The following ZNF724 variants were observed in gnomAD, a reference collection of about 807,000 sequenced individuals.
ZNF724 encodes zinc finger protein 724 pseudogene.
ZNF724 carries 14 observed loss-of-function variants against 29.3 expected under a neutral mutation model. The ratio of observed to expected loss-of-function variants is 0.48; its 90% CI spans 0.32 to 0.75. The LOEUF (loss-of-function observed/expected upper bound fraction) is 0.75. ZNF724 is among the 30% of genes least tolerant of loss of function. The probability of loss-of-function intolerance (pLI) is 0.04; values close to 1 mark genes in which losing one functional copy is unlikely to be tolerated. For synonymous variants in ZNF724, 180 were observed against 193.6 expected (o/e 0.93, Z 0.58); for missense variants, 557 against 571.2 (o/e 0.98, Z 0.25).
intron 3 of ZNF724, 178 bp downstream of exon 3, chr19:23,231,088 G>C: frequency 2.5e-6 from 1 of 402,316 alleles, no homozygotes; most frequent in South Asian, 4.8e-5. Flanking sequence ...TCTCCATGTT[G>C]GTCAGGCTGG....
chr19:23,223,504 A>T lies in ZNF724; in HGVS notation c.741T>A (p.Ile247=). 1 of 751,236 alleles carries T rather than the reference A, an allele frequency of 1.3e-6. No homozygotes were observed. The highest frequency in any genetic ancestry group is 2.5e-6 in the Non-Finnish European group (1 of 404,046). 46.5% of individuals were successfully genotyped at this position (751,236 alleles called of 1,614,324 possible). A position where few individuals can be genotyped will look rare whatever the true frequency, so the allele number is the denominator to read the frequency against. ...KSSHLNTHKI[I]HTGEKSYKRE... ...GTTTGTAGGATTTCTCTCCAGTATG[A>T]ATTATCTTATGTGTGTTAAGGTGTG... Residue 247 remains isoleucine, a synonymous_variant, in exon 4 of 4, where the codon ATT becomes ATA. Transcript: ENST00000418100.
At chr19:23,239,797 C>A (rs770364438) in intron 1 of ZNF724, among the ~76,000 whole-genome samples, 4 of 151,886 alleles carry the variant, frequency 2.6e-5, no homozygotes, top group Admixed American at 2.6e-4. Flanking sequence ...GGCAACGCAG[C>A]GAGACTGTTT....
At chr19:23,232,969 G>GA (rs1971963363) in intron 1 of ZNF724, among the ~76,000 whole-genome samples, 1 of 151,890 alleles carries the variant, frequency 6.6e-6, no homozygotes, top group Non-Finnish European at 1.5e-5. Flanking sequence ...ACTTAATAAT[G>GA]AAGAAAAAAT....
At position 23,246,423 on chromosome 19, in the gene ZNF724, G is replaced by A. The variant is rs147742044; in HGVS notation, c.3+3817C>T. 2.5e-4 allele frequency among the ~76,000 whole-genome samples: 38 copies of A among 152,222 alleles called. No homozygotes were observed. The East Asian group carries it at 6.4e-3, about 26-fold the overall frequency. ...TGTAATCTCAGCACTTTGGGAGGCC[G>A]AGGCGGGCAGATCACGAGGTCAGGA... On this transcript the variant is annotated intron_variant, in intron 1 of 3. Transcript: ENST00000418100.
chr19:23,249,664 G>A (rs1396813706), intron 1 of ZNF724, among the ~76,000 whole-genome samples: 1 of 152,100 alleles, frequency 6.6e-6, no homozygotes. Flanking sequence ...CTCCCAAAGT[G>A]CTAGCATTAT....
chr19:23,228,550 T>C (rs769894730), intron 3 of ZNF724, among the ~76,000 whole-genome samples: 8 of 151,580 alleles, frequency 5.3e-5, no homozygotes, highest in Non-Finnish European at 8.8e-5. Flanking sequence ...GGTCAAGGAA[T>C]TCGAGACCAG....
chr19:23,225,807 T>C (rs182594327), intron 3 of ZNF724, among the ~76,000 whole-genome samples: 2 of 152,170 alleles, frequency 1.3e-5, no homozygotes, highest in African/African-American at 2.4e-5. Flanking sequence ...AAATGGGCAG[T>C]TGTTACTTAA....
At chr19:23,240,184 T>A (rs1038478867) in intron 1 of ZNF724, among the ~76,000 whole-genome samples, 2 of 149,950 alleles carry the variant, frequency 1.3e-5, no homozygotes, top group African/African-American at 2.5e-5. Context: ...GGCGAGGTGG[T>A]GCATGCCTGT....
At chr19:23,246,368 T>C (rs552812032) in intron 1 of ZNF724, among the ~76,000 whole-genome samples, 1 of 152,238 alleles carries the variant, frequency 6.6e-6, no homozygotes, top group South Asian at 2.1e-4. Context: ...TTATAAAATT[T>C]AGCATCGGCC....
At chr19:23,235,871 T>G (rs967810430) in intron 1 of ZNF724, among the ~76,000 whole-genome samples, 1 of 152,196 alleles carries the variant, frequency 6.6e-6, no homozygotes, top group Non-Finnish European at 1.5e-5. Flanking sequence ...GTAAACTGTT[T>G]CATTACACAA....
Position 23,223,076 on chromosome 19 carries a change from C to G in ZNF724, c.1169G>C (p.Gly390Ala). 1 of 1,278,216 alleles carries G rather than the reference C, an allele frequency of 7.8e-7. No homozygotes were observed. 79.2% of individuals were successfully genotyped at this position (1,278,216 alleles called of 1,614,324 possible). A position where few individuals can be genotyped will look rare whatever the true frequency, so the allele number is the denominator to read the frequency against. The stretch of plus-strand genomic sequence containing the variant: ...TTCTTCACATTTGTATGGTTTTTCT[C>G]CAGTATGAATTCTCTTATGTTGAGT... ...TLTQHKRIHT[G>A]EKPYKCEECG... is the part of the protein sequence containing the mutation. The change falls in exon 4 of 4, where the codon GGA becomes GCA. Residue 390 changes from glycine (G) to alanine (A), a missense_variant. Gly to Ala is a moderately conservative substitution (Grantham distance 60). Transcript: ENST00000418100.
rs55873367 is a variant in ZNF724, at chr19:23,232,130, G to A, written c.130+37C>T. 3.0e-3 allele frequency: 3,760 copies of A among 1,253,222 alleles called. 115 individuals carry two copies. The African/African-American group carries it at 0.049, about 16-fold the overall frequency. 77.6% of individuals were successfully genotyped at this position (1,253,222 alleles called of 1,614,324 possible). On this transcript the variant is annotated intron_variant, in intron 2 of 3. Transcript: ENST00000418100. ...TACAAAAAAACAAACGAAATATTTA[G>A]GGTAGATTAGGAATTGTGTATTGAA...
At chr19:23,234,704 G>A (rs1396959506) in intron 1 of ZNF724, among the ~76,000 whole-genome samples, 1 of 152,014 alleles carries the variant, frequency 6.6e-6, no homozygotes, top group Non-Finnish European at 1.5e-5. Flanking sequence ...CACCCACCTC[G>A]GTCTCCCAAA....
chr19:23,224,676 C>A (rs1360635517), intron 3 of ZNF724, among the ~76,000 whole-genome samples: 1 of 151,454 alleles, frequency 6.6e-6, no homozygotes, highest in Admixed American at 6.6e-5. Context: ...GAACACCCAG[C>A]CAGGCAGGGT....
At position 23,223,620 on chromosome 19, in the gene ZNF724, CA is replaced by C; in HGVS notation, c.624del (p.Asn208LysfsTer26). ...YKLEECGKAF[N>X]VSSTLSQHKR... ...TTATGTTGAGAAAGGGTTGAGGACA[CA>C]TTAAAGGCCTTGCCACATTCTTCAA... On this transcript the variant is annotated frameshift_variant, in exon 4 of 4. Coordinates refer to ENST00000418100, the MANE Select transcript of ZNF724 (RefSeq NM_001355404.2). LOFTEE classifies it low-confidence loss of function (END_TRUNC). The C allele has an allele frequency of 2.8e-6, 2 of 714,690 alleles. No individual in the cohort carries two copies. Among genetic ancestry groups the C allele is most frequent in the Non-Finnish European group, 5.2e-6 (2 of 385,948 alleles). The allele number at this position is 714,690 out of a possible 1,614,324, so 44.3% of individuals were successfully genotyped here.
At chr19:23,245,827 C>T (rs1280658028) in intron 1 of ZNF724, among the ~76,000 whole-genome samples, 1 of 152,074 alleles carries the variant, frequency 6.6e-6, no homozygotes, top group Non-Finnish European at 1.5e-5. Context: ...ATAAATCTAA[C>T]TTTATATTTA....
At chr19:23,245,180 C>T (rs908415302) in intron 1 of ZNF724, among the ~76,000 whole-genome samples, 1 of 152,158 alleles carries the variant, frequency 6.6e-6, no homozygotes, top group African/African-American at 2.4e-5. Flanking sequence ...CTTAGAAAAC[C>T]CAGCTGAATT....
Position 23,250,306 on chromosome 19 carries a change from A to G in ZNF724, c.-64T>C. 1 of 572,234 alleles carries G rather than the reference A, an allele frequency of 1.7e-6. No homozygotes were observed. The highest frequency in any genetic ancestry group is 1.4e-5 in the South Asian group (1 of 72,820). 35.4% of individuals were successfully genotyped at this position (572,234 alleles called of 1,614,324 possible). On this transcript the variant is annotated 5_prime_UTR_variant, in exon 1 of 4. Transcript: ENST00000418100. ...GGATCTCCCAATGCTTGCAGGTCAG[A>G]GGGCCACAGAGGCTGGGCCTCTAAG...
chr19:23,240,900 G>A (rs12973711), intron 1 of ZNF724, among the ~76,000 whole-genome samples: 350 of 152,098 alleles, frequency 2.3e-3, no homozygotes, highest in Non-Finnish European at 3.4e-3. Flanking sequence ...AGGTGTGGCG[G>A]CATATGCCTG....
Sources: gnomAD v4.1 joint callset for allele counts (sites outside exome capture counted in the v4.1 genomes callset) on GRCh38, gnomAD v4.1.1 for gene constraint, MANE v1.5 for transcripts, NCBI Gene and HGNC (gene_info 2026-07-23, HGNC 2026-07-21) for gene names.